MAP2K1: variants seen among roughly 807,000 people sequenced by gnomAD.
MAP2K1 encodes dual specificity mitogen-activated protein kinase kinase 1.
MAP2K1 carries 16 observed loss-of-function variants against 46.3 expected under a neutral mutation model. The ratio of observed to expected loss-of-function variants is 0.35; its 90% CI spans 0.23 to 0.52. The LOEUF (loss-of-function observed/expected upper bound fraction) is 0.52. MAP2K1 is among the 20% of genes least tolerant of loss of function. The pLI, the probability that MAP2K1 is intolerant of heterozygous loss-of-function variation, is 0.94. For synonymous variants in MAP2K1, 183 were observed against 185.6 expected (o/e 0.99, Z 0.11); for missense variants, 263 against 497.1 (o/e 0.53, Z 4.48).
chr15:66,436,905 C>T lies in MAP2K1; in HGVS notation c.438+13C>T. ...CATGGAGCACATGGTATGTGACACC[C>T]TCTCAGCCTCTGGAGCAATGGCCTT... On this transcript the variant is annotated intron_variant, in intron 3 of 10. Coordinates refer to ENST00000307102, the MANE Select transcript of MAP2K1 (RefSeq NM_002755.4). 15 of 1,613,906 alleles carry T rather than the reference C, an allele frequency of 9.3e-6. No homozygotes were observed. The highest frequency in any genetic ancestry group is 2.2e-5 in the East Asian group (1 of 44,870).
chr15:66,444,331 C>T (rs1417061667), intron 4 of MAP2K1, among the ~76,000 whole-genome samples: 2 of 150,222 alleles, frequency 1.3e-5, no homozygotes, highest in Non-Finnish European at 3.0e-5. Context: ...GTCAGGAGTT[C>T]GAGACTAGCC....
chr15:66,440,496 T>C (rs984703815), intron 3 of MAP2K1, among the ~76,000 whole-genome samples: 8 of 152,224 alleles, frequency 5.3e-5, no homozygotes, highest in African/African-American at 1.9e-4. Flanking sequence ...AAGCTCTGTG[T>C]GCACTGCCCA....
chr15:66,484,997 G>A lies in MAP2K1; in HGVS notation c.701G>A (p.Arg234Lys). 1 of 1,613,188 alleles carries A rather than the reference G, an allele frequency of 6.2e-7. No individual in the cohort carries two copies. Among genetic ancestry groups the A allele is most frequent in the East Asian group, 2.2e-5 (1 of 44,884 alleles). ...VGTRSYMSPE[R>K]LQGTHYSVQS... ...TGTCTGTCTCTCCTGCAGCCAGAAA[G>A]ACTCCAGGGGACTCATTACTCTGTG... Residue 234 changes from arginine (R) to lysine (K), a missense_variant, in exon 7 of 11, where the codon AGA (arginine) becomes AAA (lysine). This residue lies in a region of MAP2K1 where 11 missense variants were observed against 52.6 expected (regional missense o/e 0.21). Coordinates refer to ENST00000307102, the MANE Select transcript of MAP2K1 (RefSeq NM_002755.4).
intron 6 of MAP2K1, among the ~76,000 whole-genome samples, chr15:66,484,241 G>A (rs922959652): frequency 1.1e-4 from 16 of 149,234 alleles, no homozygotes; most frequent in Admixed American, 5.3e-4. Flanking sequence ...TCTGCCTCCC[G>A]GGTTCAAGTG....
chr15:66,488,969 GGAC>G, intron 8 of MAP2K1: 2 of 588,130 alleles, frequency 3.4e-6, no homozygotes, highest in Admixed American at 2.9e-5. Context: ...ACAAGTGAGT[GGAC>G]TTGACTTGGT....
rs894965842 is a variant in MAP2K1 at position 66,429,671 on chromosome 15, C to G, written c.81-5356C>G. Among the ~76,000 whole-genome samples, 8 of 35,848 alleles carry G rather than the reference C, an allele frequency of 2.2e-4. 1 individual carries two copies. In the South Asian group the frequency reaches 7.9e-3, roughly 35 times the overall value. The allele number at this position is 35,848 out of a possible 152,430, so 23.5% of individuals were successfully genotyped here. A position where few individuals can be genotyped will look rare whatever the true frequency, so the allele number is the denominator to read the frequency against. On this transcript the variant is annotated intron_variant, in intron 1 of 10. Coordinates refer to ENST00000307102, the MANE Select transcript of MAP2K1 (RefSeq NM_002755.4). ...CTGGGTCTGCACTGCGGCGCCCCCC[C>G]CCCCCCCGTCCCCCCCAACACAGAT...
rs928691250 is a variant in MAP2K1 at position 66,453,011 on chromosome 15, T to C, written c.568+8304T>C. Among the ~76,000 whole-genome samples the C allele has an allele frequency of 2.0e-5, 3 of 152,286 alleles. No homozygotes were observed. The East Asian group carries it at 5.8e-4, about 29-fold the overall frequency. ...TTTGTTACATGGATGGATGGATGAT[T>C]AACTTGTGCCAGAACACACAGGAGT... On this transcript the variant is annotated intron_variant, in intron 5 of 10. Transcript: ENST00000307102.
intron 1 of MAP2K1, among the ~76,000 whole-genome samples, chr15:66,420,759 G>GTGTATATATA (rs1252003697): frequency 2.5e-5 from 1 of 40,080 alleles, no homozygotes; most frequent in African/African-American, 9.6e-5. Flanking sequence ...GTGTGTGTGT[G>GTGTATATATA]TATGTGTGTA....
intron 5 of MAP2K1, 134 bp from the exon 6 acceptor site, chr15:66,481,621 G>A: frequency 1.0e-6 from 1 of 980,778 alleles, no homozygotes; most frequent in Non-Finnish European, 1.6e-6. Context: ...GCAAGCCAAG[G>A]GCTGCCTCTG....
intron 1 of MAP2K1, among the ~76,000 whole-genome samples, chr15:66,427,075 T>A (rs1464076305): frequency 6.6e-6 from 1 of 152,206 alleles, no homozygotes; most frequent in East Asian, 1.9e-4. Flanking sequence ...GTTCCGGCAC[T>A]AGAAGGCCCT....
chr15:66,444,784 TG>T lies in MAP2K1; in HGVS notation c.568+78del, dbSNP rs139289596. 2,178 of 1,220,636 alleles carry T rather than the reference TG, an allele frequency of 1.8e-3. 36 individuals carry two copies. The African/African-American group carries it at 0.029, about 16-fold the overall frequency. The allele number at this position is 1,220,636 out of a possible 1,614,324, so 75.6% of individuals were successfully genotyped here. On this transcript the variant is annotated intron_variant, in intron 5 of 10. Transcript: ENST00000307102. The stretch of plus-strand genomic sequence containing the variant: ...AGGCTGTTGCTTCCTCTTTTTTCTA[TG>T]TTTTGTTTTCGTGTAAAAGCCTTTT...
intron 1 of MAP2K1, among the ~76,000 whole-genome samples, chr15:66,392,549 C>G (rs1208292372): frequency 1.4e-5 from 2 of 139,450 alleles, no homozygotes; most frequent in African/African-American, 5.5e-5. Context: ...GTTTTCTTTT[C>G]TTTTCTTTTT....
intron 1 of MAP2K1, among the ~76,000 whole-genome samples, chr15:66,424,446 G>A (rs183400855): frequency 2.7e-4 from 41 of 152,338 alleles, no homozygotes; most frequent in African/African-American, 9.4e-4. Flanking sequence ...AAATGGGCAT[G>A]CTTTTCTGTC....
At chr15:66,410,703 A>C (rs2093409243) in intron 1 of MAP2K1, among the ~76,000 whole-genome samples, 1 of 152,182 alleles carries the variant, frequency 6.6e-6, no homozygotes. Context: ...AAGCTCAGCA[A>C]CTGGGATGCC....
At chr15:66,445,137 C>T (rs1042841534) in intron 5 of MAP2K1, among the ~76,000 whole-genome samples, 8 of 30,008 alleles carry the variant, frequency 2.7e-4, no homozygotes, top group Admixed American at 6.8e-4. Context: ...TTTGGGAGGC[C>T]GAGGGGCAGC....
intron 5 of MAP2K1, among the ~76,000 whole-genome samples, chr15:66,458,663 T>C (rs746745330): frequency 1.3e-5 from 2 of 152,206 alleles, no homozygotes; most frequent in African/African-American, 4.8e-5. Flanking sequence ...ACTACAAATA[T>C]GTGCTATCAT....
chr15:66,418,442 C>G (rs1307046226), intron 1 of MAP2K1, among the ~76,000 whole-genome samples: 1 of 152,108 alleles, frequency 6.6e-6, no homozygotes, highest in Non-Finnish European at 1.5e-5. Flanking sequence ...CTAAAAAGCT[C>G]TTTTTCTTTT....
At chr15:66,480,250 G>C (rs1452453632) in intron 5 of MAP2K1, among the ~76,000 whole-genome samples, 1 of 151,924 alleles carries the variant, frequency 6.6e-6, no homozygotes, top group African/African-American at 2.4e-5. Context: ...CACCACTCCT[G>C]GCTAATTTTT....
At chr15:66,388,613 GA>G (rs1356548964) in intron 1 of MAP2K1, among the ~76,000 whole-genome samples, 3 of 152,042 alleles carry the variant, frequency 2.0e-5, no homozygotes, top group African/African-American at 7.2e-5. Flanking sequence ...TGAACTCCTG[GA>G]CTCTAGCGAT....
Sources: allele counts gnomAD v4.1 joint callset (sites outside exome capture counted in the v4.1 genomes callset), GRCh38; gene constraint gnomAD v4.1.1; regional missense constraint gnomAD v4.1.1; transcripts MANE v1.5; gene names NCBI Gene and HGNC (gene_info 2026-07-23, HGNC 2026-07-21).